The following OPCML variants were observed in gnomAD, a reference collection of about 807,000 sequenced individuals.
The protein encoded by OPCML is opioid-binding protein/cell adhesion molecule.
OPCML carries 13 observed loss-of-function variants against 37.8 expected under a neutral mutation model. The observed-to-expected ratio is 0.34, with a 90% CI of 0.22 to 0.55. The LOEUF (loss-of-function observed/expected upper bound fraction) is 0.55, where lower values mean the gene tolerates loss of function less well. OPCML is among the 20% of genes least tolerant of loss of function. OPCML has a pLI of 0.91. For synonymous variants in OPCML, 176 were observed against 168.8 expected (o/e 1.04, Z -0.33); for missense variants, 341 against 435.6 (o/e 0.78, Z 1.93).
intron 2 of OPCML, among the ~76,000 whole-genome samples, chr11:132,693,806 C>T (rs1239069238): frequency 6.6e-6 from 1 of 152,086 alleles, no homozygotes; most frequent in Admixed American, 6.5e-5. Context: ...AATTGAAATT[C>T]CTTTCTCTTT....
chr11:132,777,948 G>A (rs1403913859), intron 2 of OPCML, among the ~76,000 whole-genome samples: 3 of 151,948 alleles, frequency 2.0e-5, no homozygotes, highest in African/African-American at 7.3e-5. Context: ...TTTCCATCTG[G>A]CATTCCTCAT....
intron 1 of OPCML, among the ~76,000 whole-genome samples, chr11:133,103,745 G>A (rs779619704): frequency 6.6e-6 from 1 of 152,168 alleles, no homozygotes; most frequent in Non-Finnish European, 1.5e-5. Context: ...CAGAGTTCTG[G>A]CCACCCTCCA....
Position 133,312,412 on chromosome 11 carries a change from C to A in OPCML, c.61+219852G>T, listed in dbSNP as rs78594091. Among the ~76,000 whole-genome samples, 6 of 152,290 alleles carry A rather than the reference C, an allele frequency of 3.9e-5. No homozygotes were observed. In the South Asian group the frequency reaches 1.0e-3, roughly 26 times the overall value. On this transcript the variant is annotated intron_variant, in intron 1 of 7. Transcript: ENST00000524381. ...TGCTCCTCTCCTTCGTTTCACCCAG[C>A]CTGTGTGTACTCAGCATCTGTACCT...
At chr11:132,836,964 G>A (rs1309134753) in intron 2 of OPCML, among the ~76,000 whole-genome samples, 2 of 152,108 alleles carry the variant, frequency 1.3e-5, no homozygotes, top group African/African-American at 4.8e-5. Context: ...TCAAGTGAAC[G>A]ATCACAGAGG....
chr11:133,499,058 C>A (rs140966101), intron 1 of OPCML, among the ~76,000 whole-genome samples: 11 of 152,306 alleles, frequency 7.2e-5, no homozygotes, highest in African/African-American at 1.7e-4. Flanking sequence ...TGACCTGGAA[C>A]CACCATGGTA....
At chr11:133,023,019 T>C (rs911311216) in intron 1 of OPCML, among the ~76,000 whole-genome samples, 1 of 152,234 alleles carries the variant, frequency 6.6e-6, no homozygotes, top group Non-Finnish European at 1.5e-5. Flanking sequence ...CCTTATCTCA[T>C]GCATTTTGGC....
chr11:132,728,704 A>C (rs1381490604), intron 2 of OPCML, among the ~76,000 whole-genome samples: 1 of 152,202 alleles, frequency 6.6e-6, no homozygotes, highest in Non-Finnish European at 1.5e-5. Context: ...GAATTAATTA[A>C]ATATAACAGG....
intron 1 of OPCML, among the ~76,000 whole-genome samples, chr11:132,950,085 G>A (rs1000214528): frequency 2.6e-5 from 4 of 152,182 alleles, no homozygotes; most frequent in Non-Finnish European, 4.4e-5. Context: ...GTGCAGCCGC[G>A]CTGGGCCTTG....
intron 2 of OPCML, among the ~76,000 whole-genome samples, chr11:132,746,637 C>G (rs1204190490): frequency 6.6e-6 from 1 of 152,128 alleles, no homozygotes; most frequent in Non-Finnish European, 1.5e-5. Flanking sequence ...TTCAGACCAG[C>G]CTTTTGTAAC....
intron 2 of OPCML, among the ~76,000 whole-genome samples, chr11:132,876,926 A>G (rs1943041933): frequency 6.6e-6 from 1 of 152,220 alleles, no homozygotes; most frequent in Admixed American, 6.5e-5. Flanking sequence ...TAAAGGAAGC[A>G]AAACAAAAAG....
intron 1 of OPCML, among the ~76,000 whole-genome samples, chr11:133,022,573 A>G (rs1284102540): frequency 1.3e-5 from 2 of 151,562 alleles, no homozygotes; most frequent in African/African-American, 4.9e-5. Flanking sequence ...CTGTCTGCAC[A>G]TATGTACTCA....
At chr11:132,632,838 T>C (rs995403557) in intron 3 of OPCML, among the ~76,000 whole-genome samples, 1 of 151,894 alleles carries the variant, frequency 6.6e-6, no homozygotes, top group African/African-American at 2.4e-5. Context: ...TTCCAACTGT[T>C]CAGATGGGCA....
intron 1 of OPCML, among the ~76,000 whole-genome samples, chr11:133,288,416 T>A (rs186879635): frequency 6.6e-6 from 1 of 152,322 alleles, no homozygotes; most frequent in African/African-American, 2.4e-5. Context: ...CCAGGCCCAC[T>A]GTTTCTCAGC....
intron 3 of OPCML, among the ~76,000 whole-genome samples, chr11:132,629,138 T>A (rs1001008997): frequency 2.0e-5 from 3 of 152,022 alleles, no homozygotes; most frequent in African/African-American, 7.3e-5. Context: ...TCCTCTCACT[T>A]CTTCTGCTTC....
chr11:133,179,753 C>T lies in OPCML; in HGVS notation c.62-236743G>A, dbSNP rs544317329. Among the ~76,000 whole-genome samples, 7 of 152,200 alleles carry T rather than the reference C, an allele frequency of 4.6e-5. No homozygotes were observed. The East Asian group carries it at 7.8e-4, about 17-fold the overall frequency. ...GAAACAAGATGTTGGAACTACACCT[C>T]GAAGGTAAGGTTGCTAGGAAGAGCA... On this transcript the variant is annotated intron_variant, in intron 1 of 7. Coordinates refer to ENST00000524381, the MANE Select transcript of OPCML (RefSeq NM_001012393.5).
intron 1 of OPCML, among the ~76,000 whole-genome samples, chr11:133,051,450 C>A (rs1415718797): frequency 1.3e-5 from 2 of 152,170 alleles, no homozygotes; most frequent in Non-Finnish European, 2.9e-5. Context: ...AGCACCCCTT[C>A]CTGTTCAGGG....
intron 1 of OPCML, among the ~76,000 whole-genome samples, chr11:133,419,737 A>G (rs996802468): frequency 6.6e-6 from 1 of 152,240 alleles, no homozygotes; most frequent in African/African-American, 2.4e-5. Context: ...TAAGAAAGAC[A>G]TAGAGAAAAT....
chr11:133,053,472 T>C (rs920962169), intron 1 of OPCML, among the ~76,000 whole-genome samples: 2 of 152,198 alleles, frequency 1.3e-5, no homozygotes, highest in African/African-American at 4.8e-5. Flanking sequence ...TTACTTTCTG[T>C]CCCCTGGTTT....
intron 1 of OPCML, among the ~76,000 whole-genome samples, chr11:133,468,464 A>G (rs902782167): frequency 6.6e-6 from 1 of 152,224 alleles, no homozygotes; most frequent in Non-Finnish European, 1.5e-5. Context: ...GCCAGGAGGC[A>G]CAAGCAGAGC....
Sources: gnomAD v4.1 joint callset for allele counts (sites outside exome capture counted in the v4.1 genomes callset) on GRCh38, gnomAD v4.1.1 for gene constraint, MANE v1.5 for transcripts, NCBI Gene and HGNC (gene_info 2026-07-23, HGNC 2026-07-21) for gene names.